The following FBXO38 variants were observed in gnomAD, a reference collection of about 807,000 sequenced individuals.
The protein encoded by FBXO38 is F-box protein 38.
Under a neutral mutation model 131.9 loss-of-function variants are expected in FBXO38, and 53 were observed. The observed-to-expected ratio is 0.40, with a 90% CI of 0.32 to 0.51. FBXO38 has a LOEUF of 0.51. Among genes scored for constraint, FBXO38 ranks in the 20% least tolerant of loss-of-function variants. FBXO38 has a pLI of 0.53. For synonymous variants in FBXO38, 452 were observed against 505.6 expected (o/e 0.89, Z 1.42); for missense variants, 1,076 against 1,475.6 (o/e 0.73, Z 4.44).
chr5:148,411,008 T>C, intron 9 of FBXO38: 1 of 410,268 alleles, frequency 2.4e-6, no homozygotes, highest in Non-Finnish European at 4.3e-6. Context: ...AAAAAGAACC[T>C]TATCTACATT....
intron 1 of FBXO38, among the ~76,000 whole-genome samples, chr5:148,384,377 C>G (rs1042289462): frequency 7.2e-5 from 11 of 152,072 alleles, no homozygotes; most frequent in Admixed American, 6.5e-4. Context: ...CCGGGCGTCA[C>G]GAATTTCATG....
intron 15 of FBXO38, among the ~76,000 whole-genome samples, chr5:148,432,836 A>G (rs1403018151): frequency 6.6e-6 from 1 of 152,250 alleles, no homozygotes; most frequent in Non-Finnish European, 1.5e-5. Context: ...ATAGGACAGT[A>G]TGTAATGTTT....
chr5:148,417,146 C>T lies in FBXO38; in HGVS notation c.1560C>T (p.Asp520=), dbSNP rs774448345. The T allele has an allele frequency of 3.3e-5, 53 of 1,613,610 alleles. 1 individual carries two copies. Among genetic ancestry groups the T allele is most frequent in the South Asian group, 2.0e-4 (18 of 91,082 alleles). The change falls in exon 12 of 22, where the codon GAC becomes GAT. Residue 520 remains aspartate, a synonymous_variant. Coordinates refer to ENST00000340253, the MANE Select transcript of FBXO38 (RefSeq NM_205836.3). ...DNNHHHPDDS[D]EENDFRQDLQ... is the part of the protein sequence containing the mutation. Reference sequence around the variant, plus strand: ...ATCACCATCATCCAGATGACTCAGACGAGGAGAATGACTTTCGGCAAGATC... The same window carrying T: ...ATCACCATCATCCAGATGACTCAGATGAGGAGAATGACTTTCGGCAAGATC...
At chr5:148,424,186 A>G in intron 13 of FBXO38, 69 bp downstream of exon 13, 8 of 1,476,768 alleles carry the variant, frequency 5.4e-6, no homozygotes, top group Non-Finnish European at 7.3e-6. Flanking sequence ...AGTACATGAG[A>G]CAGCGAGAAT....
Position 148,433,474 on chromosome 5 carries a change from G to A in FBXO38, c.2704G>A (p.Asp902Asn). Residue 902 changes from aspartate (D) to asparagine (N), a missense_variant, in exon 16 of 22, where the codon GAT becomes AAT. Asp to Asn is a conservative substitution (Grantham distance 23, BLOSUM62 1). Coordinates refer to ENST00000340253, the MANE Select transcript of FBXO38 (RefSeq NM_205836.3). ...CGCCATGAAACGGAAGCGGACAGCA[G>A]ATAAATCCACTAGTACAAGTGATCC... ...RHAMKRKRTADKSTSTSDPVI... is the reference protein window; with the variant it reads ...RHAMKRKRTANKSTSTSDPVI... The A allele has an allele frequency of 6.2e-7, 1 of 1,614,008 alleles. No homozygotes were observed. Among genetic ancestry groups the A allele is most frequent in the Non-Finnish European group, 8.5e-7 (1 of 1,179,942 alleles).
chr5:148,406,521 G>T, intron 7 of FBXO38, 127 bp downstream of exon 7: 4 of 690,664 alleles, frequency 5.8e-6, no homozygotes, highest in Non-Finnish European at 9.2e-6. Flanking sequence ...TTTCTTTGTT[G>T]TATTTGATGG....
chr5:148,427,604 T>A lies in FBXO38; in HGVS notation c.2310T>A (p.Ser770Arg), dbSNP rs1753787749. ...SEAMEEGDAE[S>R]SVCPRCCCHR... ...CCATGGAGGAGGGAGATGCAGAGAG[T>A]TCTGTCTGCCCCAGATGCTGCTGTC... The change falls in exon 15 of 22, where the codon AGT becomes AGA. Residue 770 changes from serine (S) to arginine (R), a missense_variant. By Grantham distance (110) the Ser-to-Arg change is moderately radical. Coordinates refer to ENST00000340253, the MANE Select transcript of FBXO38 (RefSeq NM_205836.3). 4 of 1,613,802 alleles carry A rather than the reference T, an allele frequency of 2.5e-6. No individual in the cohort carries two copies. Among genetic ancestry groups the A allele is most frequent in the Non-Finnish European group, 3.4e-6 (4 of 1,179,930 alleles).
At position 148,424,108 on chromosome 5, in the gene FBXO38, G is replaced by C. The variant is rs759341101; in HGVS notation, c.1729G>C (p.Glu577Gln). The C allele has an allele frequency of 3.1e-6, 5 of 1,612,250 alleles. No homozygotes were observed. Among genetic ancestry groups the C allele is most frequent in the African/African-American group, 1.3e-5 (1 of 74,842 alleles). ...QAIIPVDVDE[E>Q]QAGPSGLQRV... ...AATTATTCCTGTGGATGTTGATGAGGAACAAGCAGGTAATCATGTGATCCA... is the reference window on the plus strand; with the variant it reads ...AATTATTCCTGTGGATGTTGATGAGCAACAAGCAGGTAATCATGTGATCCA... Residue 577 changes from glutamate to glutamine, a missense_variant, in exon 13 of 22, where the codon GAA becomes CAA. Coordinates refer to ENST00000340253, the MANE Select transcript of FBXO38 (RefSeq NM_205836.3).
At chr5:148,404,150 A>C (rs1405427316) in intron 5 of FBXO38, among the ~76,000 whole-genome samples, 1 of 152,148 alleles carries the variant, frequency 6.6e-6, no homozygotes, top group Non-Finnish European at 1.5e-5. Flanking sequence ...AATTCTTAAG[A>C]TTCATATATT....
intron 8 of FBXO38, among the ~76,000 whole-genome samples, 174 bp downstream of exon 8, chr5:148,409,391 C>A (rs776265942): frequency 3.3e-5 from 5 of 152,176 alleles, no homozygotes; most frequent in Non-Finnish European, 5.9e-5. Flanking sequence ...TCATGGTAGT[C>A]TTAATGTTAT....
At position 148,421,619 on chromosome 5, in the gene FBXO38, A is replaced by G. The variant is rs554661553; in HGVS notation, c.1619-2379A>G. Among the ~76,000 whole-genome samples, 11 of 152,302 alleles carry G rather than the reference A, an allele frequency of 7.2e-5. No homozygotes were observed. In the East Asian group the frequency reaches 1.9e-3, roughly 27 times the overall value. ...TTGATATTTGATTCTAAGTTAGCATACATATATATGTATACATATACATAT... is the reference window on the plus strand; with the variant it reads ...TTGATATTTGATTCTAAGTTAGCATGCATATATATGTATACATATACATAT... On this transcript the variant is annotated intron_variant, in intron 12 of 21. Coordinates refer to ENST00000340253, the MANE Select transcript of FBXO38 (RefSeq NM_205836.3).
intron 12 of FBXO38, among the ~76,000 whole-genome samples, chr5:148,421,092 G>A (rs1753397772): frequency 6.6e-6 from 1 of 151,958 alleles, no homozygotes; most frequent in Non-Finnish European, 1.5e-5. Flanking sequence ...TCAGCCTCCC[G>A]ATTAGCTGGG....
chr5:148,403,156 C>A (rs1752256587), intron 5 of FBXO38, among the ~76,000 whole-genome samples: 1 of 152,078 alleles, frequency 6.6e-6, no homozygotes, highest in Non-Finnish European at 1.5e-5. Context: ...TCTGTAATAT[C>A]TGGAATTTAT....
Position 148,438,517 on chromosome 5 carries a change from T to C in FBXO38, c.3024+19T>C. 7.5e-6 allele frequency: 12 copies of C among 1,605,830 alleles called. No homozygotes were observed. The highest frequency in any genetic ancestry group is 1.0e-5 in the Non-Finnish European group (12 of 1,176,702). ...GCAGCAGGTAACGAGCTTTGCTTCT[T>C]TCCGATGATACACATATTGTGGTGT... On this transcript the variant is annotated intron_variant, in intron 18 of 21. Coordinates refer to ENST00000340253, the MANE Select transcript of FBXO38 (RefSeq NM_205836.3).
intron 17 of FBXO38, chr5:148,434,005 C>A: frequency 4.1e-6 from 1 of 241,180 alleles, no homozygotes; most frequent in East Asian, 8.6e-5. Context: ...TAACAGCCTG[C>A]ACAGGCTTTG....
intron 1 of FBXO38, among the ~76,000 whole-genome samples, chr5:148,387,500 C>CA (rs1757973914): frequency 6.6e-6 from 1 of 152,142 alleles, no homozygotes; most frequent in Admixed American, 6.5e-5. Flanking sequence ...TTGAATCCCT[C>CA]AGAGTCATCC....
intron 12 of FBXO38, among the ~76,000 whole-genome samples, chr5:148,420,126 G>GTT (rs1394877299): frequency 6.8e-5 from 10 of 146,018 alleles, no homozygotes; most frequent in Non-Finnish European, 9.0e-5. Context: ...TTTTTTGTGG[G>GTT]GTTTTTTTTT....
intron 12 of FBXO38, among the ~76,000 whole-genome samples, chr5:148,422,196 TC>T (rs1354219634): frequency 1.1e-4 from 16 of 152,274 alleles, no homozygotes; most frequent in African/African-American, 3.9e-4. Flanking sequence ...TTTAATAGCT[TC>T]CCATTGCCTT....
intron 15 of FBXO38, among the ~76,000 whole-genome samples, chr5:148,428,438 C>T (rs561243285): frequency 3.9e-5 from 6 of 152,186 alleles, no homozygotes; most frequent in African/African-American, 1.2e-4. Context: ...TAAGATTTGC[C>T]AGGAGATAAG....
Sources: gnomAD v4.1 joint callset for allele counts (sites outside exome capture counted in the v4.1 genomes callset) on GRCh38, gnomAD v4.1.1 for gene constraint, MANE v1.5 for transcripts, NCBI Gene and HGNC (gene_info 2026-07-23, HGNC 2026-07-21) for gene names.